SMYD3: variants seen among roughly 807,000 people sequenced by gnomAD.
SMYD3 encodes SET and MYND domain containing 3, also known as histone-lysine N-methyltransferase SMYD3.
In SMYD3, 36 loss-of-function variants were observed where a neutral mutation model predicts 57.7. The observed-to-expected ratio is 0.62, with a 90% CI of 0.48 to 0.82. The LOEUF (loss-of-function observed/expected upper bound fraction) is 0.82. Among genes scored for constraint, SMYD3 ranks in the 40% least tolerant of loss-of-function variants. The pLI is 0.00. For synonymous variants in SMYD3, 211 were observed against 195.0 expected (o/e 1.08, Z -0.68); for missense variants, 515 against 538.8 (o/e 0.96, Z 0.44).
At chr1:245,780,629 GT>G (rs1343312503) in intron 10 of SMYD3, among the ~76,000 whole-genome samples, 14 of 152,146 alleles carry the variant, frequency 9.2e-5, no homozygotes, top group South Asian at 4.1e-4. Context: ...GTACAACCTT[GT>G]AAATATGCTA....
At position 246,122,195 on chromosome 1, in the gene SMYD3, A is replaced by G. The variant is rs747719212; in HGVS notation, c.532-192258T>C. Reference sequence around the variant, plus strand: ...GAGGCAGAGGCAGGAGAATCTCTTGAGGCCAGGAGTTTGAGACTAGCCTGA... The same window carrying G: ...GAGGCAGAGGCAGGAGAATCTCTTGGGGCCAGGAGTTTGAGACTAGCCTGA... On this transcript the variant is annotated intron_variant, in intron 5 of 11. Coordinates refer to ENST00000490107, the MANE Select transcript of SMYD3 (RefSeq NM_001167740.2). Among the ~76,000 whole-genome samples, 248 of 152,116 alleles carry G rather than the reference A, an allele frequency of 1.6e-3. 1 individual carries two copies. The highest frequency in any genetic ancestry group is 3.2e-3 in the Non-Finnish European group (218 of 68,020).
intron 5 of SMYD3, among the ~76,000 whole-genome samples, chr1:246,063,641 C>T (rs1388509870): frequency 6.8e-6 from 1 of 147,724 alleles, no homozygotes; most frequent in Non-Finnish European, 1.5e-5. Flanking sequence ...CTCTCTCCCT[C>T]CCTTTCTCTC....
intron 5 of SMYD3, among the ~76,000 whole-genome samples, chr1:246,318,457 T>C (rs1420465883): frequency 6.6e-6 from 1 of 152,226 alleles, no homozygotes; most frequent in South Asian, 2.1e-4. Context: ...GGATACTGTT[T>C]TCTCACATTC....
chr1:246,304,185 A>G (rs1159673202), intron 5 of SMYD3, among the ~76,000 whole-genome samples: 2 of 152,200 alleles, frequency 1.3e-5, no homozygotes, highest in African/African-American at 2.4e-5. Flanking sequence ...AAGATACTAT[A>G]TTTCAGATGC....
intron 1 of SMYD3, among the ~76,000 whole-genome samples, chr1:246,420,596 A>G (rs1308150278): frequency 6.6e-6 from 1 of 152,236 alleles, no homozygotes; most frequent in Non-Finnish European, 1.5e-5. Context: ...GACAGAGAAG[A>G]TAGTCTTATA....
intron 5 of SMYD3, among the ~76,000 whole-genome samples, chr1:246,023,498 C>G (rs2059510990): frequency 6.6e-6 from 1 of 152,084 alleles, no homozygotes; most frequent in African/African-American, 2.4e-5. Flanking sequence ...AAGAGTTGTT[C>G]TTTCCCATTT....
chr1:246,147,628 C>T (rs916059117), intron 5 of SMYD3, among the ~76,000 whole-genome samples: 2 of 151,506 alleles, frequency 1.3e-5, no homozygotes, highest in African/African-American at 2.4e-5. Flanking sequence ...AGCAGGCAGG[C>T]GCCCCGCCTT....
chr1:246,347,922 G>T (rs1340664705), intron 2 of SMYD3, among the ~76,000 whole-genome samples: 2 of 151,262 alleles, frequency 1.3e-5, no homozygotes, highest in African/African-American at 4.9e-5. Flanking sequence ...TCCATTACTG[G>T]GTATATACCC....
At chr1:245,911,736 T>C (rs1414654403) in intron 8 of SMYD3, among the ~76,000 whole-genome samples, 1 of 151,322 alleles carries the variant, frequency 6.6e-6, no homozygotes, top group African/African-American at 2.4e-5. Context: ...CTGGAAAGAG[T>C]AGTAGGTAGA....
At chr1:246,275,151 G>A (rs1157009484) in intron 5 of SMYD3, among the ~76,000 whole-genome samples, 3 of 152,300 alleles carry the variant, frequency 2.0e-5, no homozygotes, top group Admixed American at 6.5e-5. Flanking sequence ...CAATGCGCAA[G>A]AGCAGGGGCA....
At chr1:246,420,565 T>C (rs1200431048) in intron 1 of SMYD3, among the ~76,000 whole-genome samples, 1 of 152,224 alleles carries the variant, frequency 6.6e-6, no homozygotes, top group Non-Finnish European at 1.5e-5. Context: ...CATGACCTTA[T>C]CTAGAGAAAG....
intron 10 of SMYD3, among the ~76,000 whole-genome samples, chr1:245,793,853 C>T (rs1374898922): frequency 1.3e-5 from 2 of 152,154 alleles, no homozygotes; most frequent in Admixed American, 1.3e-4. Flanking sequence ...GCTTCATCTG[C>T]CCTAAAGTCT....
chr1:246,252,550 TA>T (rs551699458), intron 5 of SMYD3, among the ~76,000 whole-genome samples: 2,609 of 152,002 alleles, frequency 0.017, 68 homozygotes, highest in African/African-American at 0.059. Flanking sequence ...GGTTTCTGTT[TA>T]AAAAAAAATC....
intron 5 of SMYD3, among the ~76,000 whole-genome samples, chr1:246,000,336 C>T (rs1413313849): frequency 6.6e-6 from 1 of 150,418 alleles, no homozygotes; most frequent in Non-Finnish European, 1.5e-5. Context: ...GAAGAGACAA[C>T]AGAAAGGAGA....
intron 5 of SMYD3, among the ~76,000 whole-genome samples, chr1:245,941,713 G>C (rs886295815): frequency 5.3e-5 from 8 of 151,998 alleles, no homozygotes; most frequent in African/African-American, 1.9e-4. Context: ...AGTAGAGACA[G>C]GTTTTCAACA....
At chr1:245,786,202 T>G in intron 10 of SMYD3, among the ~76,000 whole-genome samples, 3 of 78,012 alleles carry the variant, frequency 3.8e-5, no homozygotes, top group South Asian at 5.3e-4. Flanking sequence ...TGAGTTGAGT[T>G]GGGGTGTGGA....
At chr1:246,431,622 C>T (rs1471907200) in intron 1 of SMYD3, among the ~76,000 whole-genome samples, 3 of 152,066 alleles carry the variant, frequency 2.0e-5, no homozygotes, top group Admixed American at 2.0e-4. Flanking sequence ...CCCAGCTACT[C>T]GGGGGAGGCT....
chr1:246,238,113 A>C (rs1042154512), intron 5 of SMYD3, among the ~76,000 whole-genome samples: 1 of 152,060 alleles, frequency 6.6e-6, no homozygotes. Flanking sequence ...GACCAGGATG[A>C]AGTGCAGTGG....
intron 5 of SMYD3, among the ~76,000 whole-genome samples, chr1:246,288,062 CTTTTTTTTTTTTT>C (rs67603439): frequency 5.3e-4 from 34 of 64,208 alleles, no homozygotes; most frequent in Admixed American, 8.5e-4. Flanking sequence ...TCAGGTAATT[CTTTTTTTTTTTTT>C]TTTTTTTTTT....
Sources: allele counts gnomAD v4.1 joint callset (sites outside exome capture counted in the v4.1 genomes callset), GRCh38; gene constraint gnomAD v4.1.1; transcripts MANE v1.5; gene names NCBI Gene and HGNC (gene_info 2026-07-23, HGNC 2026-07-21).